PALLD: variants seen among roughly 807,000 people sequenced by gnomAD.
The protein encoded by PALLD is palladin.
PALLD carries 61 observed loss-of-function variants against 123.5 expected under a neutral mutation model. The observed-to-expected ratio is 0.49, with a 90% confidence interval of 0.40 to 0.61. The LOEUF is 0.61. Ranked by LOEUF, PALLD falls within the 20% of genes least tolerant of loss-of-function variation. The probability of loss-of-function intolerance (pLI) is 0.00; values close to 1 mark genes in which losing one functional copy is unlikely to be tolerated. For synonymous variants in PALLD, 465 were observed against 496.4 expected, an observed-to-expected ratio of 0.94 and a Z score of 0.84; for missense variants, 1,273 against 1,377.0, an observed-to-expected ratio of 0.92 and a Z score of 1.20.
chr4:168,566,536 G>A (rs180698111), intron 2 of PALLD, among the ~76,000 whole-genome samples: 13 of 152,118 alleles, frequency 8.5e-5, no homozygotes, highest in Admixed American at 7.2e-4. Flanking sequence ...AGTCCTATGA[G>A]TTCCTCCTAC....
At chr4:168,772,105 TCA>T (rs989763418) in intron 10 of PALLD, among the ~76,000 whole-genome samples, 43 of 152,244 alleles carry the variant, frequency 2.8e-4, no homozygotes, top group African/African-American at 1.0e-3. Flanking sequence ...CATTCAACAC[TCA>T]CAACAGCCTT....
chr4:168,523,632 A>C (rs902366423), intron 2 of PALLD, among the ~76,000 whole-genome samples: 2 of 152,104 alleles, frequency 1.3e-5, no homozygotes, highest in African/African-American at 4.8e-5. Flanking sequence ...AAATAAGAGG[A>C]TTTGTTCAAG....
At chr4:168,900,190 G>A (rs1756193600) in intron 14 of PALLD, among the ~76,000 whole-genome samples, 1 of 152,146 alleles carries the variant, frequency 6.6e-6, no homozygotes, top group South Asian at 2.1e-4. Context: ...CCATTCATGA[G>A]GGATCCACCC....
chr4:168,858,598 C>A (rs984101026), intron 10 of PALLD, among the ~76,000 whole-genome samples: 1 of 152,026 alleles, frequency 6.6e-6, no homozygotes, highest in Admixed American at 6.6e-5. Flanking sequence ...GCTTGGGCAA[C>A]ACAGGGAGAC....
chr4:168,728,871 C>A (rs187892692), intron 10 of PALLD, among the ~76,000 whole-genome samples: 2 of 152,226 alleles, frequency 1.3e-5, no homozygotes, highest in African/African-American at 4.8e-5. Context: ...ACTCTTCCCC[C>A]CAAGGCCCCA....
chr4:168,506,957 T>G (rs142339229), intron 1 of PALLD, among the ~76,000 whole-genome samples: 1 of 152,086 alleles, frequency 6.6e-6, no homozygotes, highest in South Asian at 2.1e-4. Flanking sequence ...ATTCGAAGGA[T>G]TCTATCTTCT....
At chr4:168,612,131 G>C (rs1021599355) in intron 2 of PALLD, among the ~76,000 whole-genome samples, 1 of 152,036 alleles carries the variant, frequency 6.6e-6, no homozygotes, top group Non-Finnish European at 1.5e-5. Flanking sequence ...CTGCACTCCA[G>C]CCTGGGTGAC....
intron 2 of PALLD, among the ~76,000 whole-genome samples, chr4:168,526,720 A>G (rs1764085546): frequency 6.6e-6 from 1 of 152,184 alleles, no homozygotes; most frequent in Non-Finnish European, 1.5e-5. Context: ...TAGCACCTGG[A>G]GTGTTTTCTC....
chr4:168,626,090 C>T (rs537052068), intron 2 of PALLD, among the ~76,000 whole-genome samples: 120 of 149,002 alleles, frequency 8.1e-4, no homozygotes, highest in Non-Finnish European at 1.4e-3. Context: ...GGTAAAACCT[C>T]GTCTCTACTA....
At chr4:168,890,132 C>T (rs960050346) in intron 10 of PALLD, among the ~76,000 whole-genome samples, 1 of 152,204 alleles carries the variant, frequency 6.6e-6, no homozygotes, top group African/African-American at 2.4e-5. Flanking sequence ...AAGGCACCAA[C>T]AGAAGTGATT....
In PALLD at chr4:168,638,824, A is replaced by AG. The variant is rs570487106; in HGVS notation, c.909-29359dup. Among the ~76,000 whole-genome samples the AG allele has an allele frequency of 5.7e-4, 71 of 124,452 alleles. No homozygotes were observed. The South Asian group carries it at 0.016, about 27-fold the overall frequency. The allele number at this position is 124,452 out of a possible 152,430, so 81.6% of individuals were successfully genotyped here. A position where few individuals can be genotyped will look rare whatever the true frequency, so the allele number is the denominator to read the frequency against. ...TTCCTAAATACCATATGAATTTGGG[A>AG]GGGGGGGCGGGCCATAAACATCCAG... On this transcript the variant is annotated intron_variant, in intron 2 of 21. Coordinates refer to ENST00000505667, the MANE Select transcript of PALLD (RefSeq NM_001166108.2).
intron 5 of PALLD, among the ~76,000 whole-genome samples, chr4:168,684,769 A>G (rs942077076): frequency 7.9e-5 from 12 of 152,190 alleles, no homozygotes; most frequent in African/African-American, 2.7e-4. Context: ...CTCTGCCACA[A>G]TTCTTCATGA....
chr4:168,577,725 A>T (rs973097246), intron 2 of PALLD, among the ~76,000 whole-genome samples: 1 of 148,132 alleles, frequency 6.8e-6, no homozygotes, highest in Non-Finnish European at 1.5e-5. Flanking sequence ...AAGAGTAGAG[A>T]GGCAATTTGG....
Position 168,828,614 on chromosome 4 carries a change from C to T in PALLD, c.1965-62308C>T, listed in dbSNP as rs577655882. Among the ~76,000 whole-genome samples, 200 of 152,304 alleles carry T rather than the reference C, an allele frequency of 1.3e-3. 1 individual carries two copies. Among genetic ancestry groups the T allele is most frequent in the African/African-American group, 4.4e-3 (184 of 41,556 alleles). ...TTCGTTTTAGTGTTTTAGTTTTTAA[C>T]CACCTATGTTTCACTATTTTCATTG... On this transcript the variant is annotated intron_variant, in intron 10 of 21. Transcript: ENST00000505667.
intron 2 of PALLD, among the ~76,000 whole-genome samples, chr4:168,621,333 C>T (rs1774741925): frequency 6.6e-6 from 1 of 152,172 alleles, no homozygotes; most frequent in Admixed American, 6.5e-5. Context: ...AGTTTATTCA[C>T]TGTTGCCATT....
At chr4:168,541,817 A>G (rs544624485) in intron 2 of PALLD, among the ~76,000 whole-genome samples, 21 of 152,296 alleles carry the variant, frequency 1.4e-4, no homozygotes, top group African/African-American at 4.1e-4. Flanking sequence ...TTGCCCAATT[A>G]TATGTTGCAA....
chr4:168,679,516 G>C (rs1449943625), intron 3 of PALLD, among the ~76,000 whole-genome samples: 1 of 147,456 alleles, frequency 6.8e-6, no homozygotes, highest in Non-Finnish European at 1.5e-5. Context: ...TGTGTGTGGT[G>C]GGGTATGTAT....
At chr4:168,556,840 C>T (rs532859094) in intron 2 of PALLD, among the ~76,000 whole-genome samples, 271 of 151,850 alleles carry the variant, frequency 1.8e-3, no homozygotes, top group Admixed American at 3.6e-3. Context: ...GTGCAGGGTA[C>T]TCCATACTCT....
At chr4:168,656,332 T>C (rs1027221939) in intron 2 of PALLD, among the ~76,000 whole-genome samples, 1 of 146,656 alleles carries the variant, frequency 6.8e-6, no homozygotes, top group Non-Finnish European at 1.5e-5. Context: ...GCTTGTCAGG[T>C]CATGCTGACT....
Sources: gnomAD v4.1 joint callset for allele counts (sites outside exome capture counted in the v4.1 genomes callset) on GRCh38, gnomAD v4.1.1 for gene constraint, MANE v1.5 for transcripts, NCBI Gene and HGNC (gene_info 2026-07-23, HGNC 2026-07-21) for gene names.